Variants in HNRNPC observed in about 807,000 individuals in gnomAD.
The protein encoded by HNRNPC is heterogeneous nuclear ribonucleoprotein C, also known as heterogeneous nuclear ribonucleoproteins C1/C2.
Under a neutral mutation model 33.2 loss-of-function variants are expected in HNRNPC, and 3 were observed. The observed-to-expected ratio is 0.09, with a 90% CI of 0.04 to 0.23. The LOEUF (loss-of-function observed/expected upper bound fraction) is 0.23, where lower values mean the gene tolerates loss of function less well. Among genes scored for constraint, HNRNPC ranks in the 10% least tolerant of loss-of-function variants. The pLI is 1.00. For missense variants in HNRNPC, 143 were observed against 366.7 expected (o/e 0.39, Z 4.98); for synonymous variants, 121 against 126.7 (o/e 0.96, Z 0.30).
intron 5 of HNRNPC, among the ~76,000 whole-genome samples, chr14:21,228,856 G>A (rs955795404): frequency 3.3e-5 from 5 of 151,520 alleles, no homozygotes; most frequent in African/African-American, 7.3e-5. Flanking sequence ...AGGTCAAGGC[G>A]AGTAGATCAC....
intron 5 of HNRNPC, among the ~76,000 whole-genome samples, chr14:21,224,575 C>T (rs1893203494): frequency 1.3e-5 from 2 of 152,144 alleles, no homozygotes; most frequent in South Asian, 4.1e-4. Flanking sequence ...GACCAATCTA[C>T]TTCAGAAATT....
At chr14:21,225,836 G>A (rs1056164717) in intron 5 of HNRNPC, among the ~76,000 whole-genome samples, 3 of 152,048 alleles carry the variant, frequency 2.0e-5, no homozygotes, top group Non-Finnish European at 2.9e-5. Context: ...TCTAATTTGA[G>A]AACAATTTCA....
rs775012487 is a variant in HNRNPC, at chr14:21,231,084, A to G, written c.242-12T>C. ...AGCCAGGTTAATATCTGAAAAACAA[A>G]AGTAAAAATGTTAATGACAACTTTG... On this transcript the variant is annotated splice_polypyrimidine_tract_variant and intron_variant, in intron 3 of 8. Coordinates refer to ENST00000553300, the MANE Select transcript of HNRNPC (RefSeq NM_004500.4). The G allele has an allele frequency of 3.7e-6, 6 of 1,608,180 alleles. No homozygotes were observed. The African/African-American group carries it at 8.0e-5, about 22-fold the overall frequency.
chr14:21,244,764 G>A lies in HNRNPC; in HGVS notation c.-36-10535C>T, dbSNP rs547567398. Among the ~76,000 whole-genome samples, 4 of 152,250 alleles carry A rather than the reference G, an allele frequency of 2.6e-5. No homozygotes were observed. The South Asian group carries it at 6.2e-4, about 24-fold the overall frequency. On this transcript the variant is annotated intron_variant, in intron 2 of 8. Transcript: ENST00000553300. The stretch of plus-strand genomic sequence containing the variant: ...GCCTACCACACACCTAGCCTGTATC[G>A]TATAGCCTATTGCTCCCAGACTACA...
intron 4 of HNRNPC, chr14:21,230,572 G>A: frequency 1.8e-6 from 1 of 544,228 alleles, no homozygotes; most frequent in Non-Finnish European, 3.3e-6. Flanking sequence ...TGGAAATTCA[G>A]GTTAAAATTC....
intron 2 of HNRNPC, among the ~76,000 whole-genome samples, chr14:21,253,208 GGCTCAC>G (rs1422654885): frequency 3.0e-5 from 4 of 132,138 alleles, no homozygotes; most frequent in Non-Finnish European, 4.9e-5. Flanking sequence ...CAGGCGCGGT[GGCTCAC>G]GCCTGTAATC....
intron 2 of HNRNPC, among the ~76,000 whole-genome samples, chr14:21,262,267 A>G (rs1411693775): frequency 6.6e-6 from 1 of 152,272 alleles, no homozygotes; most frequent in Non-Finnish European, 1.5e-5. Flanking sequence ...TAAATGACAG[A>G]AAATGTTTAC....
rs191314401 is a variant in HNRNPC, at chr14:21,248,750, G to A, written c.-36-14521C>T. Among the ~76,000 whole-genome samples, 9 of 152,316 alleles carry A rather than the reference G, an allele frequency of 5.9e-5. No individual in the cohort carries two copies. The East Asian group carries it at 1.5e-3, about 26-fold the overall frequency. On this transcript the variant is annotated intron_variant, in intron 2 of 8. Coordinates refer to ENST00000553300, the MANE Select transcript of HNRNPC (RefSeq NM_004500.4). ...ATTACAGTGTCTACTGCAAGCAATG[G>A]TCAAAATAAATGGTCCGTATGAACC...
At chr14:21,229,963 AAC>A (rs1219058043) in intron 5 of HNRNPC, among the ~76,000 whole-genome samples, 1 of 152,182 alleles carries the variant, frequency 6.6e-6, no homozygotes, top group East Asian at 1.9e-4. Flanking sequence ...TCAATGTGGT[AAC>A]ACTCTTAAGC....
intron 5 of HNRNPC, among the ~76,000 whole-genome samples, chr14:21,217,790 T>C (rs1892351292): frequency 1.3e-5 from 2 of 152,230 alleles, no homozygotes; most frequent in African/African-American, 4.8e-5. Flanking sequence ...TACATACTTA[T>C]TTTAAGAGGA....
chr14:21,246,002 C>T (rs1220562992), intron 2 of HNRNPC, among the ~76,000 whole-genome samples: 2 of 152,050 alleles, frequency 1.3e-5, no homozygotes, highest in Admixed American at 6.6e-5. Flanking sequence ...TGCACCACCA[C>T]GCCTGACTAC....
intron 2 of HNRNPC, among the ~76,000 whole-genome samples, chr14:21,237,745 A>G (rs1051263783): frequency 2.0e-5 from 3 of 152,134 alleles, no homozygotes; most frequent in Non-Finnish European, 2.9e-5. Flanking sequence ...AATAGTTTAG[A>G]TAAGTAAAAC....
intron 5 of HNRNPC, among the ~76,000 whole-genome samples, 161 bp downstream of exon 5, chr14:21,230,158 C>A (rs1893952344): frequency 6.6e-6 from 1 of 152,122 alleles, no homozygotes; most frequent in South Asian, 2.1e-4. Context: ...TATCACCCTA[C>A]CTAATAATCT....
intron 2 of HNRNPC, among the ~76,000 whole-genome samples, chr14:21,242,527 T>C (rs1158048953): frequency 6.6e-6 from 1 of 152,182 alleles, no homozygotes; most frequent in Non-Finnish European, 1.5e-5. Context: ...TTTACATTGG[T>C]GAGGACTTAA....
intron 2 of HNRNPC, among the ~76,000 whole-genome samples, chr14:21,259,383 A>G (rs1294765531): frequency 1.3e-5 from 2 of 152,150 alleles, no homozygotes; most frequent in African/African-American, 4.8e-5. Flanking sequence ...TCAATGATCT[A>G]TAATATCTAA....
Position 21,234,224 on chromosome 14 carries a change from C to T in HNRNPC, c.-31G>A, listed in dbSNP as rs771928967. The T allele has an allele frequency of 7.5e-6, 12 of 1,605,562 alleles. No homozygotes were observed. The highest frequency in any genetic ancestry group is 5.1e-5 in the Admixed American group (3 of 58,450). Reference sequence around the variant, plus strand: ...TTGATGGTAAGGTTTCTCACAAAGCCGAAAACTGTAAAGCAAAAAAAAGTA... The same window carrying T: ...TTGATGGTAAGGTTTCTCACAAAGCTGAAAACTGTAAAGCAAAAAAAAGTA... On this transcript the variant is annotated 5_prime_UTR_variant, in exon 3 of 9. Transcript: ENST00000553300.
chr14:21,258,756 A>G (rs575729103), intron 2 of HNRNPC, among the ~76,000 whole-genome samples: 2 of 152,198 alleles, frequency 1.3e-5, no homozygotes, highest in African/African-American at 2.4e-5. Flanking sequence ...AATTTCCTGG[A>G]GCCTCATCAG....
rs149565297 is a variant in HNRNPC at position 21,268,352 on chromosome 14, T to A, written c.-63+946A>T. ...GTCATCTTACACTTAGGAAGTTACG[T>A]TAAAAAATTCTCAAGTCTCGTAGTA... On this transcript the variant is annotated intron_variant, in intron 1 of 8. Coordinates refer to ENST00000553300, the MANE Select transcript of HNRNPC (RefSeq NM_004500.4). 4.4e-3 allele frequency among the ~76,000 whole-genome samples: 672 copies of A among 152,260 alleles called. 1 individual carries two copies. The highest frequency in any genetic ancestry group is 0.015 in the African/African-American group (634 of 41,574).
intron 5 of HNRNPC, among the ~76,000 whole-genome samples, chr14:21,229,291 G>A (rs1337834680): frequency 6.6e-6 from 1 of 150,428 alleles, no homozygotes; most frequent in Non-Finnish European, 1.5e-5. Flanking sequence ...TCAGGAGGCT[G>A]TGCCAGGAGG....
Sources: allele counts gnomAD v4.1 joint callset (sites outside exome capture counted in the v4.1 genomes callset), GRCh38; gene constraint gnomAD v4.1.1; transcripts MANE v1.5; gene names NCBI Gene and HGNC (gene_info 2026-07-23, HGNC 2026-07-21).